Variants in CNBD1 observed in about 807,000 individuals in gnomAD.
CNBD1 encodes cyclic nucleotide binding domain containing 1, also known as cyclic nucleotide-binding domain-containing protein 1.
Under a neutral mutation model 54.4 loss-of-function variants are expected in CNBD1, and 71 were observed. The ratio of observed to expected loss-of-function variants is 1.30; its 90% CI spans 1.08 to 1.59. The LOEUF (loss-of-function observed/expected upper bound fraction) is 1.59. CNBD1 is among the 40% of genes most tolerant of loss of function. CNBD1 has a pLI of 0.00. For synonymous variants in CNBD1, 182 were observed against 170.7 expected, an observed-to-expected ratio of 1.07 and a Z score of -0.51; for missense variants, 659 against 518.0, an observed-to-expected ratio of 1.27 and a Z score of -2.64.
intron 4 of CNBD1, among the ~76,000 whole-genome samples, chr8:87,007,918 A>G (rs1009011433): frequency 6.6e-6 from 1 of 152,124 alleles, no homozygotes; most frequent in African/African-American, 2.4e-5. Context: ...GACTCCAAAA[A>G]CGTAATTCAT....
chr8:87,043,435 C>A (rs1810116357), intron 4 of CNBD1, among the ~76,000 whole-genome samples: 1 of 152,126 alleles, frequency 6.6e-6, no homozygotes, highest in African/African-American at 2.4e-5. Flanking sequence ...ATATAGAATT[C>A]TTGATTCAAC....
chr8:87,367,663 A>C (rs1198199279), intron 10 of CNBD1, among the ~76,000 whole-genome samples: 1 of 152,118 alleles, frequency 6.6e-6, no homozygotes, highest in Non-Finnish European at 1.5e-5. Context: ...TGTTTTATCT[A>C]ATCAAATGTT....
chr8:87,016,936 G>T (rs928151435), intron 4 of CNBD1, among the ~76,000 whole-genome samples: 4 of 152,158 alleles, frequency 2.6e-5, no homozygotes, highest in African/African-American at 9.7e-5. Flanking sequence ...TGATAACTGG[G>T]ATATCCTCCC....
chr8:87,359,491 A>G (rs1465972789), intron 10 of CNBD1, among the ~76,000 whole-genome samples: 1 of 152,162 alleles, frequency 6.6e-6, no homozygotes, highest in South Asian at 2.1e-4. Flanking sequence ...CTAATATTTC[A>G]TATTCTATTC....
At chr8:87,399,270 G>T (rs1207622441) in intron 2 of CNBD1, among the ~76,000 whole-genome samples, 1 of 151,924 alleles carries the variant, frequency 6.6e-6, no homozygotes, top group South Asian at 2.1e-4. Context: ...CCAAATATGT[G>T]CTTGTCGTGA....
chr8:87,171,935 G>A lies in CNBD1; in HGVS notation c.432-34058G>A, dbSNP rs192602104. Among the ~76,000 whole-genome samples the A allele has an allele frequency of 2.9e-3, 441 of 152,098 alleles. 6 individuals carry two copies. Among genetic ancestry groups the A allele is most frequent in the East Asian group, 1.2e-3 (6 of 5,148 alleles). ...TACAGGCATGAGCCACCGCGCCTGG[G>A]CTGAAGATTTTCTTCGCTTTTGACT... On this transcript the variant is annotated intron_variant, in intron 4 of 10. Coordinates refer to ENST00000518476, the MANE Select transcript of CNBD1 (RefSeq NM_173538.3).
chr8:86,899,785 G>A (rs1413369692), intron 2 of CNBD1, among the ~76,000 whole-genome samples: 1 of 152,082 alleles, frequency 6.6e-6, no homozygotes, highest in Non-Finnish European at 1.5e-5. Context: ...TTCTTCAACA[G>A]AGAATTTATA....
At chr8:87,062,723 C>T (rs556223018) in intron 4 of CNBD1, among the ~76,000 whole-genome samples, 30 of 150,392 alleles carry the variant, frequency 2.0e-4, no homozygotes, top group African/African-American at 6.6e-4. Context: ...GCCACAAGAG[C>T]GAAACTCCAT....
At position 87,185,407 on chromosome 8, in the gene CNBD1, C is replaced by T. The variant is rs530047377; in HGVS notation, c.432-20586C>T. Among the ~76,000 whole-genome samples the T allele has an allele frequency of 2.0e-4, 30 of 152,206 alleles. No individual in the cohort carries two copies. In the East Asian group the frequency reaches 5.8e-3, roughly 29 times the overall value. On this transcript the variant is annotated intron_variant, in intron 4 of 10. Coordinates refer to ENST00000518476, the MANE Select transcript of CNBD1 (RefSeq NM_173538.3). ...AGTTATTTTAATTTTACCTTGGTGGCTGCTGAACATGTTTATATCATCATA... is the reference window on the plus strand; with the variant it reads ...AGTTATTTTAATTTTACCTTGGTGGTTGCTGAACATGTTTATATCATCATA...
intron 8 of CNBD1, among the ~76,000 whole-genome samples, chr8:87,334,718 TCTTTTC>T (rs1809906612): frequency 7.4e-6 from 1 of 135,542 alleles, no homozygotes; most frequent in African/African-American, 3.0e-5. Flanking sequence ...TTTTCTTTTT[TCTTTTC>T]TTTTTTTTTT....
At chr8:87,277,135 C>T (rs1165971134) in intron 6 of CNBD1, among the ~76,000 whole-genome samples, 2 of 151,314 alleles carry the variant, frequency 1.3e-5, no homozygotes, top group African/African-American at 4.9e-5. Flanking sequence ...GGAATTAGCT[C>T]AGGTAATTAT....
Position 87,368,029 on chromosome 8 carries a change from A to T in CNBD1, c.1303+14243A>T, listed in dbSNP as rs548760767. 3.3e-5 allele frequency among the ~76,000 whole-genome samples: 5 copies of T among 151,890 alleles called. No homozygotes were observed. In the South Asian group the frequency reaches 1.0e-3, roughly 32 times the overall value. On this transcript the variant is annotated intron_variant, in intron 10 of 10. Transcript: ENST00000518476. ...AGACAAAAATTAGCTGGGCATGATG[A>T]TGTGCACCTGTAGTCGCAGCTACTC... is the stretch of plus-strand genomic sequence containing the variant.
chr8:87,051,230 G>A (rs953452416), intron 4 of CNBD1, among the ~76,000 whole-genome samples: 15 of 152,170 alleles, frequency 9.9e-5, no homozygotes, highest in Admixed American at 7.2e-4. Context: ...CATGCTAGGG[G>A]AGGAGGGAAT....
At chr8:87,386,623 A>G (rs973241293), downstream of CNBD1, among the ~76,000 whole-genome samples, 1 of 152,222 alleles carries the variant, frequency 6.6e-6, no homozygotes, top group African/African-American at 2.4e-5. Flanking sequence ...GAACAAATCT[A>G]CATCTGATTG....
intron 4 of CNBD1, among the ~76,000 whole-genome samples, chr8:86,996,276 A>G (rs765552137): frequency 1.3e-5 from 2 of 152,136 alleles, no homozygotes; most frequent in Non-Finnish European, 2.9e-5. Flanking sequence ...TGTATGTTTC[A>G]TATGTCTCAC....
intron 4 of CNBD1, among the ~76,000 whole-genome samples, chr8:86,989,224 A>C (rs559325232): frequency 6.6e-6 from 1 of 152,216 alleles, no homozygotes; most frequent in South Asian, 2.1e-4. Context: ...GTGATCTCAG[A>C]TCAAGGCTGC....
intron 4 of CNBD1, among the ~76,000 whole-genome samples, chr8:86,945,549 A>G (rs1322229156): frequency 6.6e-6 from 1 of 152,210 alleles, no homozygotes; most frequent in East Asian, 1.9e-4. Context: ...TGCTGATCAA[A>G]GAAAAACACT....
At chr8:87,129,821 T>C (rs571105527) in intron 4 of CNBD1, among the ~76,000 whole-genome samples, 2 of 152,272 alleles carry the variant, frequency 1.3e-5, no homozygotes, top group African/African-American at 4.8e-5. Context: ...GAAAGTGTTA[T>C]TGTATTAGTC....
At chr8:87,365,339 A>G (rs1188562612) in intron 10 of CNBD1, among the ~76,000 whole-genome samples, 6 of 151,658 alleles carry the variant, frequency 4.0e-5, no homozygotes, top group African/African-American at 1.4e-4. Context: ...TCAGTTTTTA[A>G]TGGTTTTTGT....
Sources: gnomAD v4.1 joint callset for allele counts (sites outside exome capture counted in the v4.1 genomes callset) on GRCh38, gnomAD v4.1.1 for gene constraint, MANE v1.5 for transcripts, NCBI Gene and HGNC (gene_info 2026-07-23, HGNC 2026-07-21) for gene names.